The following PTPN11 variants were observed in gnomAD, a reference collection of about 807,000 sequenced individuals.
PTPN11 encodes tyrosine-protein phosphatase non-receptor type 11.
PTPN11 carries 6 observed loss-of-function variants against 78.8 expected under a neutral mutation model. The observed-to-expected ratio is 0.08, with a 90% CI of 0.04 to 0.15. The LOEUF (loss-of-function observed/expected upper bound fraction) is 0.15. Among genes scored for constraint, PTPN11 ranks in the 10% least tolerant of loss-of-function variants. The probability of loss-of-function intolerance (pLI) is 1.00; values close to 1 mark genes in which losing one functional copy is unlikely to be tolerated. For missense variants in PTPN11, 386 were observed against 744.8 expected (o/e 0.52, Z 5.61); for synonymous variants, 221 against 263.5 (o/e 0.84, Z 1.56).
intron 6 of PTPN11, among the ~76,000 whole-genome samples, chr12:112,470,521 G>A (rs775896238): frequency 6.6e-6 from 1 of 152,206 alleles, no homozygotes; most frequent in Non-Finnish European, 1.5e-5. Flanking sequence ...AGAAGGCCTT[G>A]TGCGTCATCC....
At chr12:112,429,168 A>C (rs1397796019) in intron 1 of PTPN11, among the ~76,000 whole-genome samples, 1 of 152,216 alleles carries the variant, frequency 6.6e-6, no homozygotes, top group Non-Finnish European at 1.5e-5. Flanking sequence ...TATCATAATT[A>C]TGCATGAGAA....
chr12:112,455,242 T>C (rs1172610748), intron 5 of PTPN11, among the ~76,000 whole-genome samples: 1 of 148,744 alleles, frequency 6.7e-6, no homozygotes, highest in African/African-American at 2.5e-5. Flanking sequence ...CTTTTTTTTT[T>C]TTTTTTTTTT....
chr12:112,473,663 A>G (rs1051738490), intron 7 of PTPN11, among the ~76,000 whole-genome samples: 2 of 152,054 alleles, frequency 1.3e-5, no homozygotes, highest in Non-Finnish European at 1.5e-5. Context: ...CCTGGCCAAC[A>G]TGGTGAAACC....
At chr12:112,442,958 C>G (rs577419686) in intron 1 of PTPN11, among the ~76,000 whole-genome samples, 2 of 143,772 alleles carry the variant, frequency 1.4e-5, no homozygotes, top group South Asian at 4.4e-4. Context: ...ATAAAATACA[C>G]ATGTATATAT....
intron 3 of PTPN11, among the ~76,000 whole-genome samples, chr12:112,451,005 G>A (rs865840790): frequency 1.3e-5 from 2 of 152,282 alleles, no homozygotes; most frequent in South Asian, 4.1e-4. Flanking sequence ...ACAATTATGT[G>A]AGAATGACCT....
intron 10 of PTPN11, among the ~76,000 whole-genome samples, chr12:112,483,637 G>A (rs1178271846): frequency 6.6e-6 from 1 of 152,224 alleles, no homozygotes; most frequent in Non-Finnish European, 1.5e-5. Context: ...AGAGACTGGA[G>A]GGGGCAGGAG....
At chr12:112,474,022 A>G (rs1395667508) in intron 7 of PTPN11, among the ~76,000 whole-genome samples, 3 of 151,706 alleles carry the variant, frequency 2.0e-5, no homozygotes, top group Admixed American at 6.6e-5. Context: ...AGCTGGGACA[A>G]TAGGCAGGCA....
intron 13 of PTPN11, among the ~76,000 whole-genome samples, chr12:112,490,872 G>T (rs192857912): frequency 6.6e-6 from 1 of 152,312 alleles, no homozygotes; most frequent in Admixed American, 6.5e-5. Context: ...GCTGATTGTG[G>T]TAAAGTAAGA....
intron 13 of PTPN11, among the ~76,000 whole-genome samples, chr12:112,501,036 C>T (rs1247528831): frequency 6.6e-6 from 1 of 152,170 alleles, no homozygotes; most frequent in Non-Finnish European, 1.5e-5. Context: ...TCCCGAGTAG[C>T]TGGGACTACA....
intron 5 of PTPN11, 75 bp from the exon 6 acceptor site, chr12:112,455,871 GTTTT>G (rs140552217): frequency 8.0e-4 from 541 of 679,006 alleles, no homozygotes; most frequent in Middle Eastern, 2.0e-3. Flanking sequence ...ACATAGACAT[GTTTT>G]TTTTTTTTTT....
intron 1 of PTPN11, among the ~76,000 whole-genome samples, chr12:112,424,690 G>GA (rs1187346207): frequency 6.6e-6 from 1 of 151,514 alleles, no homozygotes; most frequent in Non-Finnish European, 1.5e-5. Context: ...AAGCTGCTTG[G>GA]AAAAAAAGGA....
At chr12:112,423,339 G>A (rs1358162086) in intron 1 of PTPN11, among the ~76,000 whole-genome samples, 2 of 151,908 alleles carry the variant, frequency 1.3e-5, no homozygotes, top group Non-Finnish European at 2.9e-5. Flanking sequence ...AGGCTGGAGT[G>A]CAGTGATACA....
chr12:112,469,085 G>A (rs769069483), intron 6 of PTPN11, among the ~76,000 whole-genome samples: 1 of 152,006 alleles, frequency 6.6e-6, no homozygotes, highest in African/African-American at 2.4e-5. Flanking sequence ...AAAAGATTAA[G>A]GGAAGCCTCT....
At position 112,425,008 on chromosome 12, in the gene PTPN11, G is replaced by A. The variant is rs12320022; in HGVS notation, c.14+5883G>A. On this transcript the variant is annotated intron_variant, in intron 1 of 15. Transcript: ENST00000351677. ...TGTGTGTGTGTGTGTGTGTGTGTGT[G>A]TATGTAGAGATGGGGTTTTGCCATG... Among the ~76,000 whole-genome samples, 875 of 116,580 alleles carry A rather than the reference G, an allele frequency of 7.5e-3. 3 individuals carry two copies. Among genetic ancestry groups the A allele is most frequent in the African/African-American group, 0.017 (492 of 28,138 alleles). 76.5% of individuals were successfully genotyped at this position (116,580 alleles called of 152,430 possible).
intron 1 of PTPN11, among the ~76,000 whole-genome samples, chr12:112,427,877 A>G (rs2037646408): frequency 6.6e-6 from 1 of 152,086 alleles, no homozygotes; most frequent in South Asian, 2.1e-4. Flanking sequence ...CAGCCTCCCA[A>G]GTAACTGGGA....
At chr12:112,476,251 C>T (rs1295068851) in intron 7 of PTPN11, among the ~76,000 whole-genome samples, 1 of 152,200 alleles carries the variant, frequency 6.6e-6, no homozygotes, top group Non-Finnish European at 1.5e-5. Context: ...AGGTCTCATT[C>T]AGATGTTTCC....
At chr12:112,486,254 T>G (rs2038673001) in intron 10 of PTPN11, among the ~76,000 whole-genome samples, 1 of 152,100 alleles carries the variant, frequency 6.6e-6, no homozygotes, top group South Asian at 2.1e-4. Context: ...AAGAACAAAT[T>G]GCCATGCCAG....
chr12:112,419,348 C>T (rs1482697876), intron 1 of PTPN11, among the ~76,000 whole-genome samples: 6 of 152,174 alleles, frequency 3.9e-5, no homozygotes, highest in Non-Finnish European at 1.5e-5. Flanking sequence ...TCCCCGAGTT[C>T]CGGCTGCGGC....
At chr12:112,432,636 TC>T (rs2037729760) in intron 1 of PTPN11, among the ~76,000 whole-genome samples, 1 of 133,312 alleles carries the variant, frequency 7.5e-6, no homozygotes, top group African/African-American at 2.9e-5. Context: ...GCCACTGCAC[TC>T]CCATCTAGAT....
Sources: allele counts gnomAD v4.1 joint callset (sites outside exome capture counted in the v4.1 genomes callset), GRCh38; gene constraint gnomAD v4.1.1; transcripts MANE v1.5; gene names NCBI Gene and HGNC (gene_info 2026-07-23, HGNC 2026-07-21).